PTDSS1: variants seen among roughly 807,000 people sequenced by gnomAD.
PTDSS1 encodes the protein PSS-1.
PTDSS1 carries 45 observed loss-of-function variants against 70.5 expected under a neutral mutation model. The ratio of observed to expected loss-of-function variants is 0.64; its 90% CI spans 0.50 to 0.82. PTDSS1 has a LOEUF of 0.82. Ranked by LOEUF, PTDSS1 falls within the 40% of genes least tolerant of loss-of-function variation. The pLI is 0.00. For missense variants in PTDSS1, 417 were observed against 586.1 expected (o/e 0.71, Z 2.98); for synonymous variants, 188 against 203.8 (o/e 0.92, Z 0.66).
Position 96,331,063 on chromosome 8 carries a change from A to G in PTDSS1, c.1280A>G (p.Glu427Gly), listed in dbSNP as rs201801916. The change falls in exon 12 of 13, where the codon GAG (glutamate) becomes GGG (glycine). Residue 427 changes from glutamate to glycine, a missense_variant. Physicochemically the swap from Glu to Gly is moderately conservative, Grantham distance 98 (BLOSUM62 -2). Coordinates refer to ENST00000517309, the MANE Select transcript of PTDSS1 (RefSeq NM_014754.3). ...SECEDGTYSP[E>G]ISWHHRKGTK... ...TGTGAAGATGGCACCTACAGTCCAG[A>G]GATCTCCTGGCATCACAGGAAAGGG... The G allele has an allele frequency of 4.0e-5, 64 of 1,613,452 alleles. No individual in the cohort carries two copies. Among genetic ancestry groups the G allele is most frequent in the Non-Finnish European group, 5.3e-5 (63 of 1,179,522 alleles).
chr8:96,317,400 C>T (rs1277736131), intron 9 of PTDSS1, among the ~76,000 whole-genome samples: 1 of 142,654 alleles, frequency 7.0e-6, no homozygotes, highest in Non-Finnish European at 1.5e-5. Flanking sequence ...TGGCACAAAT[C>T]ATATCCTTAA....
At chr8:96,297,602 C>G (rs1810993879) in intron 5 of PTDSS1, among the ~76,000 whole-genome samples, 1 of 152,196 alleles carries the variant, frequency 6.6e-6, no homozygotes, top group Non-Finnish European at 1.5e-5. Context: ...GCAGCCGCCT[C>G]TGCTGTCTTC....
chr8:96,325,585 A>T (rs756644785), intron 10 of PTDSS1, among the ~76,000 whole-genome samples: 1 of 151,628 alleles, frequency 6.6e-6, no homozygotes, highest in Non-Finnish European at 1.5e-5. Context: ...ATGCAGCTCA[A>T]CTCCATCTCC....
At chr8:96,279,716 G>A (rs1473547612) in intron 2 of PTDSS1, among the ~76,000 whole-genome samples, 2 of 152,080 alleles carry the variant, frequency 1.3e-5, no homozygotes, top group Admixed American at 6.5e-5. Context: ...CTACTCAGGA[G>A]GCTGAGGCAG....
chr8:96,313,522 C>T (rs537590617), intron 9 of PTDSS1, among the ~76,000 whole-genome samples: 1 of 152,300 alleles, frequency 6.6e-6, no homozygotes, highest in Non-Finnish European at 1.5e-5. Flanking sequence ...AGAGTATTGG[C>T]CCAGTTTAAA....
intron 1 of PTDSS1, among the ~76,000 whole-genome samples, chr8:96,271,793 C>T (rs1330100051): frequency 6.6e-6 from 1 of 152,154 alleles, no homozygotes; most frequent in East Asian, 1.9e-4. Flanking sequence ...TGAGGCTGAC[C>T]ATCTTTTCAC....
intron 8 of PTDSS1, among the ~76,000 whole-genome samples, chr8:96,307,467 A>AC (rs1811142039): frequency 2.0e-5 from 3 of 150,588 alleles, no homozygotes; most frequent in Admixed American, 2.0e-4. Flanking sequence ...AAAAAAAAAA[A>AC]AAAAAAAAAA....
intron 8 of PTDSS1, among the ~76,000 whole-genome samples, chr8:96,307,055 T>C (rs1811134295): frequency 6.6e-6 from 1 of 152,184 alleles, no homozygotes; most frequent in South Asian, 2.1e-4. Flanking sequence ...AGCTTGGGTG[T>C]TCCCGCCATT....
intron 4 of PTDSS1, among the ~76,000 whole-genome samples, chr8:96,294,629 A>G (rs1263317859): frequency 1.3e-5 from 2 of 151,996 alleles, no homozygotes; most frequent in Admixed American, 6.6e-5. Context: ...CTAAAGTTCA[A>G]TTTTTACGTG....
chr8:96,298,714 A>G (rs1326660735), intron 5 of PTDSS1, among the ~76,000 whole-genome samples: 1 of 152,090 alleles, frequency 6.6e-6, no homozygotes, highest in Non-Finnish European at 1.5e-5. Context: ...ACCATACTCC[A>G]TTTATGTCAC....
chr8:96,300,877 G>C (rs1180935102), intron 6 of PTDSS1, among the ~76,000 whole-genome samples: 1 of 151,488 alleles, frequency 6.6e-6, no homozygotes, highest in East Asian at 1.9e-4. Flanking sequence ...CCTTTTTTTT[G>C]GTAAATAAAT....
chr8:96,299,784 T>C lies in PTDSS1; in HGVS notation c.691T>C (p.Trp231Arg), dbSNP rs758944053. ...DILLCNGGGIWLGMVVCRFLE... is the reference protein window; with the variant it reads ...DILLCNGGGIRLGMVVCRFLE... The stretch of plus-strand genomic sequence containing the variant: ...CCTGTTGTGCAATGGCGGTGGCATT[T>C]GGCTGGGCATGGTCGTTTGCCGGTT... The change falls in exon 6 of 13, where the codon TGG becomes CGG. Residue 231 changes from tryptophan (W) to arginine (R), a missense_variant. This residue lies in a region of PTDSS1 where 272 missense variants were observed against 429.5 expected (regional missense o/e 0.63). Coordinates refer to ENST00000517309, the MANE Select transcript of PTDSS1 (RefSeq NM_014754.3). 2 of 1,614,202 alleles carry C rather than the reference T, an allele frequency of 1.2e-6. No individual in the cohort carries two copies. The highest frequency in any genetic ancestry group is 4.5e-5 in the East Asian group (2 of 44,876).
rs1475067740 is a variant in PTDSS1 at position 96,335,633 on chromosome 8, G to GA, written c.*2070dup. 6.6e-6 allele frequency: 1 copy of GA among 152,188 alleles called. No homozygotes were observed. Among genetic ancestry groups the GA allele is most frequent in the Non-Finnish European group, 1.5e-5 (1 of 68,046 alleles). 9.4% of individuals were successfully genotyped at this position (152,188 alleles called of 1,614,324 possible). A position where few individuals can be genotyped will look rare whatever the true frequency, so the allele number is the denominator to read the frequency against. On this transcript the variant is annotated 3_prime_UTR_variant, in exon 13 of 13. Transcript: ENST00000517309. ...CCATGGCTTTGTAAGAAACAGCCAG[G>GA]AAAGTTCTCAGATACTTTCCATGCC...
Position 96,262,282 on chromosome 8 carries a change from T to TGGTTGGGG in PTDSS1, c.179+65_179+66insTTGGGGGG. Reference sequence around the variant, plus strand: ...GCTAGGGAAGAGGCGGGAGGGAGGGTGGCGGGGAGGGGGGCCCGGCATGGC... The same window carrying TGGTTGGGG: ...GCTAGGGAAGAGGCGGGAGGGAGGGTGGTTGGGGGGCGGGGAGGGGGGCCCGGCATGGC... On this transcript the variant is annotated intron_variant, in intron 1 of 12. Coordinates refer to ENST00000517309, the MANE Select transcript of PTDSS1 (RefSeq NM_014754.3). This position sits in a 1 kb window ranked among gnomAD's most constrained non-coding sequence, Gnocchi z 4.4. The TGGTTGGGG allele has an allele frequency of 4.0e-6, 1 of 250,430 alleles. No homozygotes were observed. The highest frequency in any genetic ancestry group is 8.0e-6 in the Non-Finnish European group (1 of 125,596). 15.5% of individuals were successfully genotyped at this position (250,430 alleles called of 1,614,324 possible). A position where few individuals can be genotyped will look rare whatever the true frequency, so the allele number is the denominator to read the frequency against.
intron 1 of PTDSS1, 113 bp from the exon 2 acceptor site, chr8:96,273,186 T>C: frequency 1.5e-6 from 1 of 676,046 alleles, no homozygotes. Context: ...CTATGTTCAA[T>C]CCTGTCATAC....
At chr8:96,287,214 C>G (rs1187498381) in intron 4 of PTDSS1, 68 bp downstream of exon 4, 64 of 1,551,354 alleles carry the variant, frequency 4.1e-5, no homozygotes, top group Non-Finnish European at 5.0e-5. Flanking sequence ...AGGTAATAGA[C>G]TTGACATTTT....
At chr8:96,275,211 A>G (rs1472104005) in intron 2 of PTDSS1, among the ~76,000 whole-genome samples, 1 of 152,114 alleles carries the variant, frequency 6.6e-6, no homozygotes, top group Non-Finnish European at 1.5e-5. Flanking sequence ...ATAGCTATTC[A>G]CAAGTGTGGT....
At chr8:96,320,124 A>G (rs747510443) in intron 9 of PTDSS1, 122 bp from the exon 10 acceptor site, 223 of 790,772 alleles carry the variant, frequency 2.8e-4, no homozygotes, top group Non-Finnish European at 4.1e-4. Context: ...ACCTGCTACC[A>G]GTGTTTGAGG....
chr8:96,302,881 C>T (rs544367181), intron 6 of PTDSS1, among the ~76,000 whole-genome samples: 4 of 152,238 alleles, frequency 2.6e-5, no homozygotes, highest in African/African-American at 7.2e-5. Flanking sequence ...CATGCCTGGC[C>T]TCAGGATGTC....
Sources: gnomAD v4.1 joint callset for allele counts (sites outside exome capture counted in the v4.1 genomes callset) on GRCh38, gnomAD v4.1.1 for gene constraint, gnomAD v4.1.1 regional missense constraint, Gnocchi (gnomAD v3.1) non-coding constraint, MANE v1.5 for transcripts, NCBI Gene and HGNC (gene_info 2026-07-23, HGNC 2026-07-21) for gene names.